PCDHGA5: variants seen among roughly 807,000 people sequenced by gnomAD.
PCDHGA5 encodes the protein protocadherin gamma subfamily A, 5.
Under a neutral mutation model 56.7 loss-of-function variants are expected in PCDHGA5, and 36 were observed. The observed-to-expected ratio is 0.64, with a 90% CI of 0.49 to 0.84. The LOEUF is 0.84. Ranked by LOEUF, PCDHGA5 falls within the 40% of genes least tolerant of loss-of-function variation. The probability of loss-of-function intolerance (pLI) is 0.00; values close to 1 mark genes in which losing one functional copy is unlikely to be tolerated. For missense variants in PCDHGA5, 1,305 were observed against 1,201.5 expected, an observed-to-expected ratio of 1.09 and a Z score of -1.27; for synonymous variants, 563 against 520.2, an observed-to-expected ratio of 1.08 and a Z score of -1.12.
At chr5:141,483,534 G>C (rs754118568) in intron 1 of PCDHGA5, among the ~76,000 whole-genome samples, 1 of 152,102 alleles carries the variant, frequency 6.6e-6, no homozygotes, top group Non-Finnish European at 1.5e-5. Flanking sequence ...AAGGAAGCTG[G>C]GTGGTTGACA....
At position 141,366,731 on chromosome 5, in the gene PCDHGA5, A is replaced by G; in HGVS notation, c.2401A>G (p.Lys801Glu). 6.2e-7 allele frequency: 1 copy of G among 1,613,012 alleles called. No homozygotes were observed. Among genetic ancestry groups the G allele is most frequent in the Non-Finnish European group, 8.5e-7 (1 of 1,179,082 alleles). Residue 801 changes from lysine to glutamate, a missense_variant, in exon 1 of 4, where the codon AAA becomes GAA. By Grantham distance (56) the Lys-to-Glu change is moderately conservative. Transcript: ENST00000518069. ...GATGTCTGATAAGGTAGATGCAAAC[A>G]AAGAAGAACGGCGAGTTCAGGTTAG... ...LLMSDKVDAN[K>E]EERRVQQAPP...
chr5:141,405,446 G>A, intron 1 of PCDHGA5: 1 of 1,338,140 alleles, frequency 7.5e-7, no homozygotes, highest in Non-Finnish European at 1.0e-6. Flanking sequence ...TTGAGACAGA[G>A]TCTTACTCTG....
intron 1 of PCDHGA5, among the ~76,000 whole-genome samples, chr5:141,381,815 T>A (rs1721316177): frequency 7.0e-6 from 1 of 142,092 alleles, no homozygotes; most frequent in South Asian, 2.2e-4. Flanking sequence ...TTTCTTTCTT[T>A]CTTTCTTCTT....
intron 1 of PCDHGA5, among the ~76,000 whole-genome samples, chr5:141,429,602 C>T (rs548994907): frequency 1.1e-4 from 16 of 152,218 alleles, no homozygotes; most frequent in African/African-American, 3.6e-4. Flanking sequence ...TTCAAGTAAA[C>T]TCAATTTTAT....
Position 141,490,835 on chromosome 5 carries a change from T to C in PCDHGA5, c.2422-3972T>C, listed in dbSNP as rs1284804400. 4 of 1,613,728 alleles carry C rather than the reference T, an allele frequency of 2.5e-6. No individual in the cohort carries two copies. The highest frequency in any genetic ancestry group is 1.1e-5 in the South Asian group (1 of 91,076). On this transcript the variant is annotated intron_variant, in intron 1 of 3. Transcript: ENST00000518069. This position sits in a 1 kb window ranked among gnomAD's most constrained non-coding sequence, Gnocchi z 5.4. ...TATGAATTGCTGCAGATGCTGCAGATTGTGGTGGGGGTTCGAGACTCCGGC... is the reference window on the plus strand; with the variant it reads ...TATGAATTGCTGCAGATGCTGCAGACTGTGGTGGGGGTTCGAGACTCCGGC...
Position 141,364,261 on chromosome 5 carries a change from T to C in PCDHGA5, c.-70T>C. On this transcript the variant is annotated 5_prime_UTR_variant, in exon 1 of 4. Coordinates refer to ENST00000518069, the MANE Select transcript of PCDHGA5 (RefSeq NM_018918.3). ...ATTTTCGTCAGGGAATATGTACCCA[T>C]CGGCTTTAGATAAATAAGGAAACAG... The C allele has an allele frequency of 5.3e-6, 8 of 1,504,792 alleles. No individual in the cohort carries two copies. The South Asian group carries it at 1.1e-4, about 21-fold the overall frequency. The allele number at this position is 1,504,792 out of a possible 1,614,324, so 93.2% of individuals were successfully genotyped here. A position where few individuals can be genotyped will look rare whatever the true frequency, so the allele number is the denominator to read the frequency against.
chr5:141,501,701 G>A (rs747266621), intron 2 of PCDHGA5, among the ~76,000 whole-genome samples: 3 of 151,984 alleles, frequency 2.0e-5, no homozygotes, highest in East Asian at 1.9e-4. Flanking sequence ...GGGTGATTCC[G>A]AGGATAAAAA....
At chr5:141,372,270 G>A in intron 1 of PCDHGA5, 1 of 1,613,182 alleles carries the variant, frequency 6.2e-7, no homozygotes, top group African/African-American at 1.3e-5. Flanking sequence ...CACGGGTGAG[G>A]TGCGCACGGC....
At chr5:141,400,747 G>GCTT (rs1302066014) in intron 1 of PCDHGA5, 9 of 602,662 alleles carry the variant, frequency 1.5e-5, no homozygotes, top group Admixed American at 6.5e-5. Context: ...TTTGCTCTTA[G>GCTT]CTTCCTCTCT....
rs771503687 is a variant in PCDHGA5 at position 141,383,368 on chromosome 5, G to T, written c.2421+16617G>T. 3 of 1,614,014 alleles carry T rather than the reference G, an allele frequency of 1.9e-6. No individual in the cohort carries two copies. In the East Asian group the frequency reaches 6.7e-5, roughly 36 times the overall value. ...TGGGGTTCGGTTTCCGTTAAGCGAG[G>T]CTGGGGATCCAGATGTGGGCACGAA... On this transcript the variant is annotated intron_variant, in intron 1 of 3. Coordinates refer to ENST00000518069, the MANE Select transcript of PCDHGA5 (RefSeq NM_018918.3).
chr5:141,428,222 C>A, intron 1 of PCDHGA5: 1 of 1,173,442 alleles, frequency 8.5e-7, no homozygotes, highest in Non-Finnish European at 1.2e-6. Flanking sequence ...CTAGTCTTCG[C>A]AGACAGCCTG....
At position 141,487,934 on chromosome 5, in the gene PCDHGA5, C is replaced by G; in HGVS notation, c.2422-6873C>G. 4.9e-6 allele frequency: 3 copies of G among 607,674 alleles called. No individual in the cohort carries two copies. Among genetic ancestry groups the G allele is most frequent in the Non-Finnish European group, 5.8e-6 (2 of 347,576 alleles). The allele number at this position is 607,674 out of a possible 1,614,324, so 37.6% of individuals were successfully genotyped here. A position where few individuals can be genotyped will look rare whatever the true frequency, so the allele number is the denominator to read the frequency against. On this transcript the variant is annotated intron_variant, in intron 1 of 3. Transcript: ENST00000518069. The surrounding 1 kb of genome is among the most constrained non-coding windows in gnomAD (Gnocchi z 5.0). ...ACAGGAGGCTACAGTGCACAGGGTA[C>G]AGTGCACCAGGCAGTCACTTGGACA... is the stretch of plus-strand genomic sequence containing the variant.
At chr5:141,413,020 C>G in intron 1 of PCDHGA5, 7 of 693,768 alleles carry the variant, frequency 1.0e-5, no homozygotes, top group Non-Finnish European at 1.4e-5. Context: ...CTACACAAGC[C>G]CCACAAACCG....
In PCDHGA5 at chr5:141,486,092, C is replaced by A; in HGVS notation, c.2422-8715C>A. Reference sequence around the variant, plus strand: ...TACTGGAAAGCTTACTCTTTTGGGGCCCCTAGACTTTGAGAGTGAGAATTA... The same window carrying A: ...TACTGGAAAGCTTACTCTTTTGGGGACCCTAGACTTTGAGAGTGAGAATTA... On this transcript the variant is annotated intron_variant, in intron 1 of 3. Coordinates refer to ENST00000518069, the MANE Select transcript of PCDHGA5 (RefSeq NM_018918.3). The surrounding 1 kb of genome is among the most constrained non-coding windows in gnomAD (Gnocchi z 5.0). 1.9e-6 allele frequency: 3 copies of A among 1,614,148 alleles called. No individual in the cohort carries two copies. Among genetic ancestry groups the A allele is most frequent in the Non-Finnish European group, 2.5e-6 (3 of 1,180,008 alleles).
chr5:141,399,775 G>A, intron 1 of PCDHGA5: 2 of 1,613,282 alleles, frequency 1.2e-6, no homozygotes, highest in Non-Finnish European at 1.7e-6. Flanking sequence ...GTTGGTGGGC[G>A]ACCGAAACGA....
intron 1 of PCDHGA5, chr5:141,468,541 A>G (rs1407685120): frequency 6.6e-6 from 1 of 152,076 alleles, no homozygotes. Context: ...GTTTCCTGAC[A>G]TATTTAACAT....
At position 141,404,862 on chromosome 5, in the gene PCDHGA5, C is replaced by T. The variant is rs377687399; in HGVS notation, c.2421+38111C>T. ...GCTCGGGCCCTGCTAGATAGAGATG[C>T]GCTCAAACAGAGCCTTGTGGTGGCT... On this transcript the variant is annotated intron_variant, in intron 1 of 3. Coordinates refer to ENST00000518069, the MANE Select transcript of PCDHGA5 (RefSeq NM_018918.3). The T allele has an allele frequency of 2.3e-5, 37 of 1,613,730 alleles. No individual in the cohort carries two copies. The African/African-American group carries it at 2.8e-4, about 12-fold the overall frequency.
chr5:141,368,555 A>G (rs1400384896), intron 1 of PCDHGA5, among the ~76,000 whole-genome samples: 1 of 152,208 alleles, frequency 6.6e-6, no homozygotes, highest in Non-Finnish European at 1.5e-5. Context: ...TTTTAAAAGA[A>G]AATGTTATAT....
At chr5:141,404,096 G>C in intron 1 of PCDHGA5, 1 of 1,613,610 alleles carries the variant, frequency 6.2e-7, no homozygotes, top group Non-Finnish European at 8.5e-7. Flanking sequence ...GAATGGTCAA[G>C]TTGTCTGTTC....
Sources: gnomAD v4.1 joint callset for allele counts (sites outside exome capture counted in the v4.1 genomes callset) on GRCh38, gnomAD v4.1.1 for gene constraint, Gnocchi (gnomAD v3.1) non-coding constraint, MANE v1.5 for transcripts, NCBI Gene and HGNC (gene_info 2026-07-23, HGNC 2026-07-21) for gene names.